Variants in BTRC observed in about 807,000 individuals in gnomAD.
BTRC encodes the protein F-box/WD repeat-containing protein 1A.
BTRC carries 42 observed loss-of-function variants against 85.5 expected under a neutral mutation model. That is an observed-to-expected ratio of 0.49 (90% CI 0.38 to 0.64). The LOEUF is 0.64. BTRC is among the 30% of genes least tolerant of loss of function. The pLI is 0.00. For missense variants in BTRC, 594 were observed against 743.5 expected (o/e 0.80, Z 2.34); for synonymous variants, 255 against 263.3 (o/e 0.97, Z 0.30).
chr10:101,415,486 T>G (rs144362541), intron 1 of BTRC, among the ~76,000 whole-genome samples: 38 of 17,078 alleles, frequency 2.2e-3, no homozygotes, highest in African/African-American at 6.0e-3. Flanking sequence ...TTTATTTTAT[T>G]TTATGTTATG....
intron 2 of BTRC, among the ~76,000 whole-genome samples, chr10:101,453,284 G>A (rs954283881): frequency 2.6e-5 from 4 of 152,112 alleles, no homozygotes; most frequent in Non-Finnish European, 4.4e-5. Context: ...CATTCTATAC[G>A]ATGATGAGCA....
At chr10:101,451,665 C>T (rs1234788292) in intron 2 of BTRC, among the ~76,000 whole-genome samples, 1 of 152,148 alleles carries the variant, frequency 6.6e-6, no homozygotes, top group Admixed American at 6.5e-5. Context: ...GAGGTCCCCA[C>T]ACACCTAGTT....
intron 2 of BTRC, among the ~76,000 whole-genome samples, chr10:101,445,415 G>C (rs1432314929): frequency 6.6e-6 from 1 of 152,196 alleles, no homozygotes; most frequent in African/African-American, 2.4e-5. Context: ...TGCTGAGCAT[G>C]CTAGCTTCTG....
At chr10:101,375,197 C>G (rs529537082) in intron 1 of BTRC, among the ~76,000 whole-genome samples, 2 of 152,252 alleles carry the variant, frequency 1.3e-5, no homozygotes, top group East Asian at 3.9e-4. Flanking sequence ...GGATTTCCGC[C>G]TTTTGTGCTG....
chr10:101,464,415 T>G (rs887305782), intron 3 of BTRC, among the ~76,000 whole-genome samples: 8 of 152,216 alleles, frequency 5.3e-5, no homozygotes, highest in African/African-American at 1.7e-4. Flanking sequence ...TTGAATCATT[T>G]TCTACTTGCA....
chr10:101,368,768 C>T (rs1248452576), intron 1 of BTRC, among the ~76,000 whole-genome samples: 1 of 152,062 alleles, frequency 6.6e-6, no homozygotes, highest in Non-Finnish European at 1.5e-5. Flanking sequence ...CCTGTAATCC[C>T]AGCACTTTGG....
At chr10:101,448,280 T>C (rs1033577369) in intron 2 of BTRC, among the ~76,000 whole-genome samples, 1 of 152,076 alleles carries the variant, frequency 6.6e-6, no homozygotes, top group African/African-American at 2.4e-5. Flanking sequence ...TTTTAAAAAT[T>C]TGTTACTTAC....
intron 1 of BTRC, among the ~76,000 whole-genome samples, chr10:101,413,211 G>T (rs954079433): frequency 1.3e-5 from 2 of 152,108 alleles, no homozygotes; most frequent in African/African-American, 4.8e-5. Flanking sequence ...TGCAACCTCT[G>T]CCTCTCACTG....
chr10:101,535,602 A>ACAGGT, intron 11 of BTRC, 130 bp downstream of exon 11: 1 of 606,302 alleles, frequency 1.6e-6, no homozygotes, highest in Non-Finnish European at 2.6e-6. Context: ...GTAGCTTCTT[A>ACAGGT]CAGGTCAGAA....
intron 1 of BTRC, among the ~76,000 whole-genome samples, chr10:101,366,778 A>ATATATTTTTATATT (rs1942390529): frequency 1.8e-5 from 2 of 108,132 alleles, no homozygotes; most frequent in Non-Finnish European, 3.6e-5. Context: ...ATATATATAT[A>ATATATTTTTATATT]TATATATATA....
At chr10:101,505,339 G>T (rs1257786091) in intron 4 of BTRC, among the ~76,000 whole-genome samples, 1 of 150,268 alleles carries the variant, frequency 6.7e-6, no homozygotes, top group Non-Finnish European at 1.5e-5. Flanking sequence ...CAGAAAGATG[G>T]CCGGGCGCGG....
At chr10:101,490,675 T>G (rs748323726) in intron 4 of BTRC, among the ~76,000 whole-genome samples, 1 of 152,210 alleles carries the variant, frequency 6.6e-6, no homozygotes, top group Non-Finnish European at 1.5e-5. Flanking sequence ...AATGTTATTT[T>G]CTCATCTTCC....
intron 1 of BTRC, among the ~76,000 whole-genome samples, chr10:101,403,589 C>CT (rs1416803766): frequency 1.3e-5 from 2 of 152,000 alleles, no homozygotes; most frequent in African/African-American, 4.8e-5. Flanking sequence ...CCCTGACCCC[C>CT]TTTTTTTACT....
chr10:101,449,444 C>T (rs1944905850), intron 2 of BTRC, among the ~76,000 whole-genome samples: 2 of 151,966 alleles, frequency 1.3e-5, no homozygotes, highest in Admixed American at 6.6e-5. Context: ...ACCAGATGTC[C>T]TTATTAGTGG....
intron 1 of BTRC, among the ~76,000 whole-genome samples, chr10:101,417,217 C>T (rs182861815): frequency 6.6e-6 from 1 of 152,218 alleles, no homozygotes; most frequent in Admixed American, 6.5e-5. Context: ...CAGTCAATGT[C>T]CTTTATATAA....
rs768071719 is a variant in BTRC, at chr10:101,462,003, G to A, written c.179G>A (p.Cys60Tyr). ...CAGAATTCCTCAGAGAGAGAAGACT[G>A]TAATAATGGCGAACCCCCTAGGAAG... ...AFQNSSERED[C>Y]NNGEPPRKII... is the part of the protein sequence containing the mutation. Residue 60 changes from cysteine to tyrosine, a missense_variant, in exon 3 of 15, where the codon TGT becomes TAT. Transcript: ENST00000370187. 6 of 1,611,618 alleles carry A rather than the reference G, an allele frequency of 3.7e-6. No individual in the cohort carries two copies. In the East Asian group the frequency reaches 6.7e-5, roughly 18 times the overall value.
At chr10:101,378,680 A>G (rs1039194363) in intron 1 of BTRC, among the ~76,000 whole-genome samples, 11 of 151,824 alleles carry the variant, frequency 7.2e-5, no homozygotes, top group Admixed American at 7.2e-4. Flanking sequence ...ATGAGCCACC[A>G]CGCCCGGCTA....
rs547911307 is a variant in BTRC, at chr10:101,458,536, G to A, written c.157-3445G>A. On this transcript the variant is annotated intron_variant, in intron 2 of 14. Transcript: ENST00000370187. Reference sequence around the variant, plus strand: ...GGGAAACAATCAGGAAATTAATATTGATACAGTGTTATTAGTTCACCTACA... The same window carrying A: ...GGGAAACAATCAGGAAATTAATATTAATACAGTGTTATTAGTTCACCTACA... Among the ~76,000 whole-genome samples the A allele has an allele frequency of 4.1e-4, 62 of 152,212 alleles. No individual in the cohort carries two copies. In the East Asian group the frequency reaches 5.0e-3, roughly 12 times the overall value.
chr10:101,450,702 T>G (rs1944936426), intron 2 of BTRC, among the ~76,000 whole-genome samples: 2 of 152,168 alleles, frequency 1.3e-5, no homozygotes, highest in African/African-American at 4.8e-5. Context: ...CCCCAAAATC[T>G]TCGTGTATAA....
Sources: gnomAD v4.1 joint callset for allele counts (sites outside exome capture counted in the v4.1 genomes callset) on GRCh38, gnomAD v4.1.1 for gene constraint, MANE v1.5 for transcripts, NCBI Gene and HGNC (gene_info 2026-07-23, HGNC 2026-07-21) for gene names.